The following DAB1 variants were observed in gnomAD, a reference collection of about 807,000 sequenced individuals.
The protein encoded by DAB1 is DAB adaptor protein 1.
In DAB1, 15 loss-of-function variants were observed where a neutral mutation model predicts 64.6. That is an observed-to-expected ratio of 0.23 (90% CI 0.16 to 0.36). The LOEUF (loss-of-function observed/expected upper bound fraction) is 0.36. DAB1 is among the 10% of genes least tolerant of loss of function. The pLI is 1.00. For missense variants in DAB1, 596 were observed against 706.7 expected (o/e 0.84, Z 1.78); for synonymous variants, 235 against 251.9 (o/e 0.93, Z 0.64).
intron 4 of DAB1, among the ~76,000 whole-genome samples, chr1:58,265,642 CT>C (rs1661142548): frequency 6.6e-6 from 1 of 152,148 alleles, no homozygotes; most frequent in Non-Finnish European, 1.5e-5. Flanking sequence ...GAATTTTCTA[CT>C]TTAAATAACC....
chr1:57,347,032 T>C (rs1678165883), intron 1 of DAB1, among the ~76,000 whole-genome samples: 1 of 152,138 alleles, frequency 6.6e-6, no homozygotes. Context: ...TAATGTTAGG[T>C]AGTCATAAAA....
intron 3 of DAB1, among the ~76,000 whole-genome samples, chr1:58,389,635 T>C (rs1644460755): frequency 1.3e-5 from 2 of 152,208 alleles, no homozygotes; most frequent in African/African-American, 2.4e-5. Context: ...ATTGGGTCCA[T>C]TTCCCTCACA....
intron 5 of DAB1, among the ~76,000 whole-genome samples, chr1:58,143,725 GTTA>G (rs1396768797): frequency 2.0e-5 from 3 of 152,196 alleles, no homozygotes; most frequent in African/African-American, 4.8e-5. Context: ...CTTCTAAGCT[GTTA>G]TTATTTTCCT....
downstream of DAB1, among the ~76,000 whole-genome samples, chr1:57,822,657 G>C (rs537611710): frequency 7.2e-5 from 11 of 152,224 alleles, no homozygotes; most frequent in South Asian, 1.7e-3. Context: ...ATTTAAGAAG[G>C]TTAATGATGT....
At chr1:57,109,758 A>G (rs1399395718) in intron 4 of DAB1, among the ~76,000 whole-genome samples, 2 of 152,222 alleles carry the variant, frequency 1.3e-5, no homozygotes, top group African/African-American at 4.8e-5. Flanking sequence ...TGATGAGAAT[A>G]GGAAAACATA....
chr1:58,204,286 T>G (rs1051912445), intron 4 of DAB1, among the ~76,000 whole-genome samples: 1 of 152,220 alleles, frequency 6.6e-6, no homozygotes, highest in African/African-American at 2.4e-5. Context: ...AGAACTGTCA[T>G]GAAAATAATA....
At chr1:57,423,628 C>T (rs1685104265) in intron 1 of DAB1, among the ~76,000 whole-genome samples, 1 of 151,796 alleles carries the variant, frequency 6.6e-6, no homozygotes, top group Admixed American at 6.6e-5. Flanking sequence ...CAGGGGTGGA[C>T]AAGTCTGGAG....
intron 7 of DAB1, among the ~76,000 whole-genome samples, chr1:57,517,050 T>C (rs1035218155): frequency 1.3e-5 from 2 of 152,232 alleles, no homozygotes; most frequent in African/African-American, 4.8e-5. Flanking sequence ...TATTTTGATT[T>C]TTCTAGCCAG....
chr1:57,000,081 T>C (rs1645793870), intron 14 of DAB1, among the ~76,000 whole-genome samples: 1 of 146,498 alleles, frequency 6.8e-6, no homozygotes, highest in Non-Finnish European at 1.5e-5. Context: ...TCTCACTCTG[T>C]CGCCCAGGCT....
At chr1:58,473,137 TTCCAAATAGCATTTCA>T (rs1330670316) in intron 3 of DAB1, among the ~76,000 whole-genome samples, 1 of 152,216 alleles carries the variant, frequency 6.6e-6, no homozygotes, top group African/African-American at 2.4e-5. Flanking sequence ...TGCTTAATGC[TTCCAAATAGCATTTCA>T]TCTGAGACCC....
In DAB1 at chr1:57,830,314, A is replaced by G. The variant is rs112567936; in HGVS notation, n.88-3859T>C. On this transcript the variant is annotated intron_variant and non_coding_transcript_variant, in intron 1 of 1. Transcript: ENST00000477280. ...AACACGTTCTTACTCCCTACCAAGC[A>G]CTGTTGAATGAGTACTTCATCCTTT... Among the ~76,000 whole-genome samples the G allele has an allele frequency of 4.0e-3, 602 of 152,310 alleles. 7 individuals carry two copies. The highest frequency in any genetic ancestry group is 0.014 in the African/African-American group (563 of 41,564).
intron 6 of DAB1, among the ~76,000 whole-genome samples, chr1:57,713,402 G>C (rs909489800): frequency 1.3e-5 from 2 of 152,192 alleles, no homozygotes; most frequent in African/African-American, 2.4e-5. Flanking sequence ...AGCAAGTCAT[G>C]ATTTGGCAAC....
chr1:57,433,784 G>T (rs1685595678), intron 7 of DAB1, among the ~76,000 whole-genome samples: 1 of 142,768 alleles, frequency 7.0e-6, no homozygotes, highest in Admixed American at 7.0e-5. Flanking sequence ...AAAAAATAAA[G>T]AAATTCTTCA....
rs6700275 is a variant in DAB1 at position 57,328,952 on chromosome 1, C to T, written c.-136-37786G>A. Among the ~76,000 whole-genome samples the T allele has an allele frequency of 5.5e-3, 832 of 152,298 alleles. 9 individuals carry two copies. The highest frequency in any genetic ancestry group is 0.018 in the African/African-American group (765 of 41,558). ...TAGTAGTATTAATCTACAGACAGTG[C>T]TAACATGGTGACATGAAATGAGGGC... is the stretch of plus-strand genomic sequence containing the variant. On this transcript the variant is annotated intron_variant, in intron 1 of 14. Transcript: ENST00000371236.
At chr1:57,246,647 A>C (rs2100500524) in intron 2 of DAB1, among the ~76,000 whole-genome samples, 1 of 152,286 alleles carries the variant, frequency 6.6e-6, no homozygotes, top group Admixed American at 6.5e-5. Flanking sequence ...GACCCCATAA[A>C]GGTAAATCCA....
intron 2 of DAB1, among the ~76,000 whole-genome samples, chr1:57,149,841 G>T (rs17115220): frequency 6.6e-6 from 1 of 152,006 alleles, no homozygotes; most frequent in Admixed American, 6.5e-5. Context: ...ACTGGCAGAC[G>T]TCTTACTCTT....
intron 1 of DAB1, among the ~76,000 whole-genome samples, chr1:57,882,302 GA>G (rs1331328217): frequency 6.6e-6 from 1 of 152,168 alleles, no homozygotes; most frequent in Admixed American, 6.5e-5. Flanking sequence ...CAAAATGGAC[GA>G]TGTGGGAGGG....
Position 58,018,230 on chromosome 1 carries a change from C to T in DAB1, n.387+132281G>A, listed in dbSNP as rs115249769. ...CCTGCCCTTACTTCTCTCCTTGCTT[C>T]CCTACTATCTCCTTCTTCCTACCTC... On this transcript the variant is annotated intron_variant and non_coding_transcript_variant, in intron 5 of 20. Coordinates refer to the DAB1 transcript ENST00000485760. Among the ~76,000 whole-genome samples, 430 of 152,228 alleles carry T rather than the reference C, an allele frequency of 2.8e-3. 6 individuals carry two copies. Among genetic ancestry groups the T allele is most frequent in the African/African-American group, 9.7e-3 (401 of 41,550 alleles).
intron 5 of DAB1, among the ~76,000 whole-genome samples, chr1:58,042,025 TA>T (rs1197098327): frequency 1.3e-5 from 2 of 152,246 alleles, no homozygotes; most frequent in Non-Finnish European, 2.9e-5. Flanking sequence ...TCTTCCTTAT[TA>T]AATGTCTCTG....
Sources: gnomAD v4.1 joint callset for allele counts (sites outside exome capture counted in the v4.1 genomes callset) on GRCh38, gnomAD v4.1.1 for gene constraint, MANE v1.5 for transcripts, NCBI Gene and HGNC (gene_info 2026-07-23, HGNC 2026-07-21) for gene names.